Variants in RNF213 observed in about 807,000 individuals in gnomAD.
The protein encoded by RNF213 is ring finger protein 213.
RNF213 carries 341 observed loss-of-function variants against 514.4 expected under a neutral mutation model. That is an observed-to-expected ratio of 0.66 (90% CI 0.61 to 0.73). The LOEUF (loss-of-function observed/expected upper bound fraction) is 0.73, where lower values mean the gene tolerates loss of function less well. Among genes scored for constraint, RNF213 ranks in the 30% least tolerant of loss-of-function variants. The probability of loss-of-function intolerance (pLI) is 0.00; values close to 1 mark genes in which losing one functional copy is unlikely to be tolerated. For synonymous variants in RNF213, 2,655 were observed against 2,658.2 expected (o/e 1.00, Z 0.04); for missense variants, 5,767 against 6,615.6 (o/e 0.87, Z 4.45).
At chr17:80,365,876 G>A (rs1366585264) in intron 42 of RNF213, among the ~76,000 whole-genome samples, 1 of 152,222 alleles carries the variant, frequency 6.6e-6, no homozygotes, top group African/African-American at 2.4e-5. Context: ...CAAAGGTAAA[G>A]GAGCTGGCCC....
intron 38 of RNF213, 107 bp downstream of exon 38, chr17:80,360,313 G>C (rs2079007298): frequency 7.7e-7 from 1 of 1,303,154 alleles, no homozygotes. Flanking sequence ...GAATTTTGGA[G>C]TTTTTAGTTT....
chr17:80,307,322 G>T, intron 13 of RNF213, 121 bp downstream of exon 13: 3 of 741,338 alleles, frequency 4.0e-6, no homozygotes, highest in Non-Finnish European at 4.8e-6. Flanking sequence ...AAATTAATAT[G>T]TGGCCCACTT....
At chr17:80,304,295 G>A (rs1421298196) in intron 11 of RNF213, among the ~76,000 whole-genome samples, 2 of 152,062 alleles carry the variant, frequency 1.3e-5, no homozygotes. Context: ...TTATTTAAGG[G>A]CCTTCGCTGA....
At chr17:80,286,919 A>T (rs1055558735) in intron 3 of RNF213, among the ~76,000 whole-genome samples, 4 of 152,160 alleles carry the variant, frequency 2.6e-5, no homozygotes, top group Non-Finnish European at 4.4e-5. Flanking sequence ...CTGAACCTGG[A>T]TGTGCCTTTG....
chr17:80,346,146 C>T lies in RNF213; in HGVS notation c.7811C>T (p.Ser2604Phe). 1 of 1,614,118 alleles carries T rather than the reference C, an allele frequency of 6.2e-7. No homozygotes were observed. The highest frequency in any genetic ancestry group is 8.5e-7 in the Non-Finnish European group (1 of 1,180,028). Residue 2604 changes from serine to phenylalanine, a missense_variant, in exon 29 of 68, where the codon TCC (serine) becomes TTC (phenylalanine). Transcript: ENST00000582970. The surrounding 1 kb of genome is among the most constrained non-coding windows in gnomAD (Gnocchi z 8.1). ...IQQIVQRLVE[S>F]ISLDENGTRV... ...CAGATTGTCCAGAGACTGGTTGAGTCCATCAGCCTAGATGAAAACGGGACT... is the reference window on the plus strand; with the variant it reads ...CAGATTGTCCAGAGACTGGTTGAGTTCATCAGCCTAGATGAAAACGGGACT...
chr17:80,364,605 A>G, intron 42 of RNF213, 52 bp downstream of exon 42: 1 of 1,611,866 alleles, frequency 6.2e-7, no homozygotes, highest in African/African-American at 1.3e-5. Flanking sequence ...CTTTTCCGAA[A>G]GGAAGAACAG....
In RNF213 at chr17:80,273,124, A is replaced by G. The variant is rs996090939; in HGVS notation, c.98-117A>G. ...CTCATGTTAGCAGGCCCAATGCAGGACCTCGGAGGGAGAACAGGGTGAATC... is the reference window on the plus strand; with the variant it reads ...CTCATGTTAGCAGGCCCAATGCAGGGCCTCGGAGGGAGAACAGGGTGAATC... On this transcript the variant is annotated intron_variant, in intron 2 of 67. Transcript: ENST00000582970. The G allele has an allele frequency of 3.6e-6, 5 of 1,378,416 alleles. No individual in the cohort carries two copies. The African/African-American group carries it at 5.7e-5, about 16-fold the overall frequency. The allele number at this position is 1,378,416 out of a possible 1,614,324, so 85.4% of individuals were successfully genotyped here.
intron 63 of RNF213, among the ~76,000 whole-genome samples, chr17:80,387,229 C>T (rs1029766008): frequency 2.0e-5 from 3 of 152,218 alleles, no homozygotes; most frequent in African/African-American, 7.2e-5. Context: ...CATCAGCTTC[C>T]CAAATAGCTG....
chr17:80,374,616 G>C (rs756331075), intron 50 of RNF213, 27 bp downstream of exon 50: 17 of 1,613,186 alleles, frequency 1.1e-5, no homozygotes, highest in Non-Finnish European at 1.2e-5. Context: ...GCTTCTCTCT[G>C]ATACCAGGTG....
chr17:80,312,939 G>C, intron 14 of RNF213, 73 bp from the exon 15 acceptor site: 1 of 1,559,508 alleles, frequency 6.4e-7, no homozygotes, highest in South Asian at 1.1e-5. Context: ...AGGAGAGGAG[G>C]GGGTGCAGCA....
chr17:80,317,102 G>A lies in RNF213; in HGVS notation c.2812-86G>A, dbSNP rs183114687. On this transcript the variant is annotated intron_variant, in intron 15 of 67. Transcript: ENST00000582970. This position sits in a 1 kb window ranked among gnomAD's most constrained non-coding sequence, Gnocchi z 4.1. ...GGAGTCCCGCGCTCTCTGTATTGCC[G>A]TAATGCTCTGTCTTTCTCCTTTCAT... 4.9e-5 allele frequency: 70 copies of A among 1,421,498 alleles called. No homozygotes were observed. The highest frequency in any genetic ancestry group is 2.3e-4 in the Admixed American group (12 of 51,320). The allele number at this position is 1,421,498 out of a possible 1,614,324, so 88.1% of individuals were successfully genotyped here.
chr17:80,374,802 G>A, intron 50 of RNF213: 1 of 573,022 alleles, frequency 1.7e-6, no homozygotes, highest in South Asian at 1.9e-5. Flanking sequence ...TGACAGTTGA[G>A]CTGGGTTGAC....
At position 80,320,190 on chromosome 17, in the gene RNF213, T is replaced by A. The variant is rs111260266; in HGVS notation, c.3024+878T>A. On this transcript the variant is annotated intron_variant, in intron 17 of 67. Coordinates refer to ENST00000582970, the MANE Select transcript of RNF213 (RefSeq NM_001256071.3). ...TAGCCATCATCCTCCTCCCCTCTAG[T>A]CACCCACTCCCCTCTGCAGGCATAA... 236 of 183,714 alleles carry A rather than the reference T, an allele frequency of 1.3e-3. 1 individual carries two copies. The highest frequency in any genetic ancestry group is 5.3e-3 in the African/African-American group (225 of 42,102). 11.4% of individuals were successfully genotyped at this position (183,714 alleles called of 1,614,324 possible). A position where few individuals can be genotyped will look rare whatever the true frequency, so the allele number is the denominator to read the frequency against.
chr17:80,269,578 A>G (rs978970880), intron 2 of RNF213, among the ~76,000 whole-genome samples: 2 of 150,114 alleles, frequency 1.3e-5, no homozygotes, highest in South Asian at 2.1e-4. Context: ...ATCCATCTAT[A>G]CTATCTATCC....
rs2043524821 is a variant in RNF213, at chr17:80,264,079, C to T, written c.97+301C>T. Among the ~76,000 whole-genome samples, 1 of 152,184 alleles carries T rather than the reference C, an allele frequency of 6.6e-6. No homozygotes were observed. The highest frequency in any genetic ancestry group is 1.5e-5 in the Non-Finnish European group (1 of 68,016). On this transcript the variant is annotated intron_variant, in intron 2 of 67. Transcript: ENST00000582970. This position sits in a 1 kb window ranked among gnomAD's most constrained non-coding sequence, Gnocchi z 5.0. ...ACCCGAGTGGGAGGAGAGGGCAGGGCCAGGGCAGGGAGAGGACAAAACAAG... is the reference window on the plus strand; with the variant it reads ...ACCCGAGTGGGAGGAGAGGGCAGGGTCAGGGCAGGGAGAGGACAAAACAAG...
chr17:80,307,161 T>A lies in RNF213; in HGVS notation c.2461T>A (p.Leu821Ile). 1.9e-6 allele frequency: 3 copies of A among 1,613,928 alleles called. No individual in the cohort carries two copies. Among genetic ancestry groups the A allele is most frequent in the Non-Finnish European group, 1.7e-6 (2 of 1,179,906 alleles). Reference sequence around the variant, plus strand: ...GGATGTTCAGAACGTTCAGAACATTTTAGAAATGCTGTTGCGACTCCTGGA... The same window carrying A: ...GGATGTTCAGAACGTTCAGAACATTATAGAAATGCTGTTGCGACTCCTGGA... ...VQDVQNVQNI[L>I]EMLLRLLDTY... Residue 821 changes from leucine to isoleucine, a missense_variant, in exon 13 of 68, where the codon TTA becomes ATA. Physicochemically the swap from Leu to Ile is conservative, Grantham distance 5. Around this residue, in one of 13 missense-constraint regions of RNF213, gnomAD observed 592 missense variants for 673.9 expected, o/e 0.88. Coordinates refer to ENST00000582970, the MANE Select transcript of RNF213 (RefSeq NM_001256071.3).
In RNF213 at chr17:80,383,049, T is replaced by C; in HGVS notation, c.14049T>C (p.Ala4683=). 1 of 1,613,634 alleles carries C rather than the reference T, an allele frequency of 6.2e-7. No individual in the cohort carries two copies. Among genetic ancestry groups the C allele is most frequent in the Non-Finnish European group, 8.5e-7 (1 of 1,179,548 alleles). The change falls in exon 58 of 68, where the codon GCT becomes GCC. Residue 4683 remains alanine, a synonymous_variant. Coordinates refer to ENST00000582970, the MANE Select transcript of RNF213 (RefSeq NM_001256071.3). The stretch of plus-strand genomic sequence containing the variant: ...ACAACTGGGAAAAGGAAATCGCAGC[T>C]GTGATTTCTCCTGAACTGGAGGTAA... The part of the protein sequence containing the change: ...MRNNWEKEIA[A]VISPELEHLD...
intron 18 of RNF213, among the ~76,000 whole-genome samples, chr17:80,326,689 A>G (rs2046290463): frequency 6.6e-6 from 1 of 152,176 alleles, no homozygotes; most frequent in Non-Finnish European, 1.5e-5. Context: ...TTCACTTAGT[A>G]ATACGTATTT....
At chr17:80,320,514 T>C (rs2046104716) in intron 17 of RNF213, 1 of 151,952 alleles carries the variant, frequency 6.6e-6, no homozygotes, top group Non-Finnish European at 1.5e-5. Context: ...GTTTAAAGAG[T>C]CTTTTAATTG....
Sources: allele counts gnomAD v4.1 joint callset (sites outside exome capture counted in the v4.1 genomes callset), GRCh38; gene constraint gnomAD v4.1.1; regional missense constraint gnomAD v4.1.1; non-coding constraint Gnocchi (gnomAD v3.1); transcripts MANE v1.5; gene names NCBI Gene and HGNC (gene_info 2026-07-23, HGNC 2026-07-21).